CDNF: variants seen among roughly 807,000 people sequenced by gnomAD.
The protein encoded by CDNF is cerebral dopamine neurotrophic factor.
In CDNF, 9 loss-of-function variants were observed where a neutral mutation model predicts 14.8. The ratio of observed to expected loss-of-function variants is 0.61; its 90% confidence interval spans 0.37 to 1.06. The LOEUF is 1.06. Ranked by LOEUF, CDNF falls within the 50% of genes least tolerant of loss-of-function variation. CDNF has a pLI of 0.01. For synonymous variants in CDNF, 86 were observed against 87.2 expected (o/e 0.99, Z 0.07); for missense variants, 228 against 228.4 (o/e 1.00, Z 0.01).
In CDNF at chr10:14,819,644, G is replaced by A. The variant is rs1295222384; in HGVS notation, c.*336C>T. On this transcript the variant is annotated 3_prime_UTR_variant, in exon 4 of 4. Transcript: ENST00000465530. Reference sequence around the variant, plus strand: ...TATATTTTAAAATTGCATCCAGAGAGGAGTCTCTGAATGCCTTCTTCTTTC... The same window carrying A: ...TATATTTTAAAATTGCATCCAGAGAAGAGTCTCTGAATGCCTTCTTCTTTC... The A allele has an allele frequency of 2.1e-5, 4 of 192,740 alleles. No homozygotes were observed. The highest frequency in any genetic ancestry group is 2.1e-5 in the Non-Finnish European group (2 of 95,482). The allele number at this position is 192,740 out of a possible 1,614,324, so 11.9% of individuals were successfully genotyped here. A position where few individuals can be genotyped will look rare whatever the true frequency, so the allele number is the denominator to read the frequency against.
chr10:14,820,167 C>A lies in CDNF; in HGVS notation c.386-9G>T. 11 of 1,594,204 alleles carry A rather than the reference C, an allele frequency of 6.9e-6. No homozygotes were observed. The highest frequency in any genetic ancestry group is 5.5e-5 in the Admixed American group (3 of 54,162). On this transcript the variant is annotated splice_polypyrimidine_tract_variant and intron_variant, in intron 3 of 3. Transcript: ENST00000465530. ...CAAGTCCAGTGTTTTTTCTAAATGG[C>A]AAAAAGGAAAAAAGCCAATTACAAA... is the stretch of plus-strand genomic sequence containing the variant.
chr10:14,830,349 A>T (rs1401034127), intron 1 of CDNF, among the ~76,000 whole-genome samples: 3 of 152,244 alleles, frequency 2.0e-5, no homozygotes, highest in Non-Finnish European at 4.4e-5. Context: ...ATAAAAAAAC[A>T]TAACTTCTAT....
intron 3 of CDNF, 102 bp from the exon 4 acceptor site, chr10:14,820,260 T>C: frequency 8.9e-7 from 1 of 1,121,010 alleles, no homozygotes; most frequent in East Asian, 2.4e-5. Context: ...TGGTGCTGAC[T>C]ACCCTATGAT....
intron 3 of CDNF, among the ~76,000 whole-genome samples, chr10:14,822,697 T>C (rs1482790325): frequency 6.6e-6 from 1 of 152,250 alleles, no homozygotes; most frequent in Non-Finnish European, 1.5e-5. Flanking sequence ...GCTTGACTTC[T>C]CTTGAAAGTT....
At chr10:14,826,491 G>GAAA (rs1833797532) in intron 2 of CDNF, among the ~76,000 whole-genome samples, 1 of 151,900 alleles carries the variant, frequency 6.6e-6, no homozygotes, top group African/African-American at 2.4e-5. Context: ...AAAAGAAGAA[G>GAAA]AAGAAGAAGA....
chr10:14,823,595 A>G (rs1247769941), intron 3 of CDNF, among the ~76,000 whole-genome samples: 1 of 152,180 alleles, frequency 6.6e-6, no homozygotes, highest in African/African-American at 2.4e-5. Flanking sequence ...GAAAAAAATC[A>G]CAGCTCACCA....
In CDNF at chr10:14,837,991, C is replaced by T. The variant is rs774870761; in HGVS notation, c.-45G>A. On this transcript the variant is annotated 5_prime_UTR_variant, in exon 1 of 4. Transcript: ENST00000465530. ...TCGCCTCCGCCACCCGCGCCCACCGCCCACCAAGCTGCCAAAGCGAGCTGA... is the reference window on the plus strand; with the variant it reads ...TCGCCTCCGCCACCCGCGCCCACCGTCCACCAAGCTGCCAAAGCGAGCTGA... 2 of 1,425,128 alleles carry T rather than the reference C, an allele frequency of 1.4e-6. No homozygotes were observed. The highest frequency in any genetic ancestry group is 2.8e-5 in the African/African-American group (2 of 71,080). The allele number at this position is 1,425,128 out of a possible 1,614,324, so 88.3% of individuals were successfully genotyped here. A position where few individuals can be genotyped will look rare whatever the true frequency, so the allele number is the denominator to read the frequency against.
At chr10:14,833,929 A>G (rs1016400526) in intron 1 of CDNF, among the ~76,000 whole-genome samples, 2 of 152,232 alleles carry the variant, frequency 1.3e-5, no homozygotes, top group Non-Finnish European at 2.9e-5. Flanking sequence ...ATGATCTGCT[A>G]TATTACACGT....
chr10:14,820,365 T>C (rs370508957), intron 3 of CDNF, among the ~76,000 whole-genome samples: 12 of 152,180 alleles, frequency 7.9e-5, no homozygotes, highest in African/African-American at 2.2e-4. Flanking sequence ...GTTCTGCATC[T>C]GCAGATTCAA....
chr10:14,828,362 T>C lies in CDNF; in HGVS notation c.116-90A>G. 3.0e-6 allele frequency: 4 copies of C among 1,315,142 alleles called. No homozygotes were observed. In the South Asian group the frequency reaches 5.2e-5, roughly 17 times the overall value. The allele number at this position is 1,315,142 out of a possible 1,614,324, so 81.5% of individuals were successfully genotyped here. On this transcript the variant is annotated intron_variant, in intron 1 of 3. Transcript: ENST00000465530. ...CCCACTAACCACATTTAAAAGTCTA[T>C]ATGGGGCTGGGCATGGTGGCTTACC... is the stretch of plus-strand genomic sequence containing the variant.
At chr10:14,836,044 G>T (rs1249460226) in intron 1 of CDNF, among the ~76,000 whole-genome samples, 2 of 152,142 alleles carry the variant, frequency 1.3e-5, no homozygotes, top group East Asian at 1.9e-4. Flanking sequence ...AAAATATTTT[G>T]TAAATGTAAC....
intron 3 of CDNF, among the ~76,000 whole-genome samples, chr10:14,822,175 G>A (rs1052358073): frequency 1.3e-5 from 2 of 152,104 alleles, no homozygotes; most frequent in Non-Finnish European, 2.9e-5. Context: ...TAGGGCTTTG[G>A]TGCCAGCCAA....
chr10:14,838,012 G>C lies in CDNF; in HGVS notation c.-66C>G. 2 of 1,228,568 alleles carry C rather than the reference G, an allele frequency of 1.6e-6. No homozygotes were observed. Among genetic ancestry groups the C allele is most frequent in the Non-Finnish European group, 1.2e-6 (1 of 863,328 alleles). 76.1% of individuals were successfully genotyped at this position (1,228,568 alleles called of 1,614,324 possible). On this transcript the variant is annotated 5_prime_UTR_variant, in exon 1 of 4. Coordinates refer to ENST00000465530, the MANE Select transcript of CDNF (RefSeq NM_001029954.3). ...ACCGCCCACCAAGCTGCCAAAGCGA[G>C]CTGAGCAGAATTCGAGGTTGGAAAG...
chr10:14,828,200 A>G lies in CDNF; in HGVS notation c.188T>C (p.Ile63Thr), dbSNP rs753246601. The change falls in exon 2 of 4, where the codon ATA becomes ACA. Residue 63 changes from isoleucine to threonine, a missense_variant. Transcript: ENST00000465530. ...DRGVNFSLDT[I>T]EKELISFCLD... ...GCAAAAACTGATCAATTCTTTCTCT[A>G]TAGTGTCCAGCGAAAAGTTAACTCC... 24 of 1,613,492 alleles carry G rather than the reference A, an allele frequency of 1.5e-5. No individual in the cohort carries two copies. The highest frequency in any genetic ancestry group is 1.8e-5 in the Non-Finnish European group (21 of 1,179,508).
intron 1 of CDNF, among the ~76,000 whole-genome samples, chr10:14,834,499 T>C (rs1292173237): frequency 6.6e-6 from 1 of 152,220 alleles, no homozygotes; most frequent in Non-Finnish European, 1.5e-5. Flanking sequence ...ACCTCAACTA[T>C]CACTCTGCCA....
intron 1 of CDNF, among the ~76,000 whole-genome samples, chr10:14,830,153 G>C (rs1044571680): frequency 3.3e-5 from 5 of 152,160 alleles, no homozygotes; most frequent in African/African-American, 1.2e-4. Flanking sequence ...TAAATATATA[G>C]CTTGAAGTTT....
intron 3 of CDNF, among the ~76,000 whole-genome samples, chr10:14,821,251 A>G (rs1181823335): frequency 2.6e-5 from 4 of 151,936 alleles, no homozygotes; most frequent in Admixed American, 6.6e-5. Flanking sequence ...CAGCCTCCCA[A>G]GTAGCTGGGA....
rs1296719232 is a variant in CDNF at position 14,819,413 on chromosome 10, T to G, written c.*567A>C. 6.6e-6 allele frequency: 1 copy of G among 152,226 alleles called. No individual in the cohort carries two copies. The highest frequency in any genetic ancestry group is 2.4e-5 in the African/African-American group (1 of 41,444). 9.4% of individuals were successfully genotyped at this position (152,226 alleles called of 1,614,324 possible). A position where few individuals can be genotyped will look rare whatever the true frequency, so the allele number is the denominator to read the frequency against. On this transcript the variant is annotated 3_prime_UTR_variant, in exon 4 of 4. Coordinates refer to ENST00000465530, the MANE Select transcript of CDNF (RefSeq NM_001029954.3). Reference sequence around the variant, plus strand: ...TGGCTATACTTATACGGTTTCTTGATCTCTCTATTTTCTTTAAGTAGGTTT... The same window carrying G: ...TGGCTATACTTATACGGTTTCTTGAGCTCTCTATTTTCTTTAAGTAGGTTT...
intron 3 of CDNF, among the ~76,000 whole-genome samples, chr10:14,820,638 C>T (rs1022273598): frequency 9.9e-5 from 15 of 151,898 alleles, no homozygotes; most frequent in South Asian, 4.2e-4. Context: ...GAGGCTGCGG[C>T]GGGAGAATTT....
Sources: gnomAD v4.1 joint callset for allele counts (sites outside exome capture counted in the v4.1 genomes callset) on GRCh38, gnomAD v4.1.1 for gene constraint, MANE v1.5 for transcripts, NCBI Gene and HGNC (gene_info 2026-07-23, HGNC 2026-07-21) for gene names.